Variants in ITIH5 observed in about 807,000 individuals in gnomAD.
ITIH5 encodes the protein inter-alpha-trypsin inhibitor heavy chain H5.
Under a neutral mutation model 77.5 loss-of-function variants are expected in ITIH5, and 65 were observed. The observed-to-expected ratio is 0.84, with a 90% CI of 0.69 to 1.03. The LOEUF (loss-of-function observed/expected upper bound fraction) is 1.03, where lower values mean the gene tolerates loss of function less well. Among genes scored for constraint, ITIH5 ranks in the 50% least tolerant of loss-of-function variants. The pLI is 0.00. For missense variants in ITIH5, 1,208 were observed against 1,213.1 expected (o/e 1.00, Z 0.06); for synonymous variants, 525 against 494.3 (o/e 1.06, Z -0.82).
intron 5 of ITIH5, among the ~76,000 whole-genome samples, chr10:7,623,696 A>G (rs1283210309): frequency 1.3e-5 from 2 of 149,468 alleles, no homozygotes. Context: ...CCAGCTACTC[A>G]GGAGGGTGAG....
intron 1 of ITIH5, among the ~76,000 whole-genome samples, chr10:7,665,314 C>T: frequency 6.6e-6 from 1 of 152,118 alleles, no homozygotes; most frequent in Admixed American, 6.5e-5. Flanking sequence ...TGTCTCCACA[C>T]CCCCAAAAAA....
intron 1 of ITIH5, 36 bp downstream of exon 1, chr10:7,666,767 C>G (rs374402461): frequency 6.4e-7 from 1 of 1,568,406 alleles, no homozygotes; most frequent in South Asian, 1.1e-5. Flanking sequence ...AGGGGGCGGC[C>G]GCGCCCGGGA....
At chr10:7,572,327 G>A in intron 11 of ITIH5, 2 of 1,367,554 alleles carry the variant, frequency 1.5e-6, no homozygotes, top group South Asian at 2.3e-5. Context: ...TTTTATTATA[G>A]TTCCAGGATG....
chr10:7,575,061 C>G (rs1832382062), intron 10 of ITIH5, among the ~76,000 whole-genome samples: 1 of 152,200 alleles, frequency 6.6e-6, no homozygotes, highest in Non-Finnish European at 1.5e-5. Flanking sequence ...TTTGCCAAGA[C>G]AAGCTCCACG....
At chr10:7,623,732 G>T (rs1411478720) in intron 5 of ITIH5, among the ~76,000 whole-genome samples, 1 of 151,224 alleles carries the variant, frequency 6.6e-6, no homozygotes, top group Admixed American at 6.6e-5. Context: ...GAACCCAGGA[G>T]GTGGAGCTCA....
chr10:7,624,618 G>C (rs1833528260), intron 5 of ITIH5, among the ~76,000 whole-genome samples: 1 of 150,772 alleles, frequency 6.6e-6, no homozygotes, highest in Non-Finnish European at 1.5e-5. Context: ...AGGAGTTCCA[G>C]ACCAGCCTAG....
At chr10:7,660,789 T>A (rs942088713) in intron 1 of ITIH5, among the ~76,000 whole-genome samples, 4 of 152,188 alleles carry the variant, frequency 2.6e-5, no homozygotes, top group Non-Finnish European at 5.9e-5. Flanking sequence ...ACACTCCACC[T>A]TTGGTATGGA....
At chr10:7,582,882 G>C (rs569306636) in intron 8 of ITIH5, among the ~76,000 whole-genome samples, 5 of 152,170 alleles carry the variant, frequency 3.3e-5, no homozygotes, top group African/African-American at 9.6e-5. Flanking sequence ...ATAGTTAATG[G>C]GTACAAAAAG....
At chr10:7,627,543 T>C (rs995861830) in intron 5 of ITIH5, among the ~76,000 whole-genome samples, 20 of 152,176 alleles carry the variant, frequency 1.3e-4, no homozygotes, top group Non-Finnish European at 2.9e-5. Flanking sequence ...GTGGTTCTCT[T>C]CTTTCCAATG....
intron 7 of ITIH5, among the ~76,000 whole-genome samples, chr10:7,595,735 G>A (rs532615448): frequency 6.6e-6 from 1 of 152,292 alleles, no homozygotes; most frequent in Admixed American, 6.5e-5. Flanking sequence ...CTGGCCGGGT[G>A]TGGTGGCTCA....
intron 7 of ITIH5, among the ~76,000 whole-genome samples, chr10:7,589,361 AGGC>A: frequency 6.6e-6 from 1 of 152,298 alleles, no homozygotes; most frequent in African/African-American, 2.4e-5. Context: ...TGGGAGGCTG[AGGC>A]AGGACAGTCA....
At position 7,559,764 on chromosome 10, in the gene ITIH5, C is replaced by G. The variant is rs758088192; in HGVS notation, c.*3319G>C. 1.3e-5 allele frequency: 6 copies of G among 453,674 alleles called. No individual in the cohort carries two copies. Among genetic ancestry groups the G allele is most frequent in the Non-Finnish European group, 2.7e-5 (6 of 226,016 alleles). The allele number at this position is 453,674 out of a possible 1,614,324, so 28.1% of individuals were successfully genotyped here. Reference sequence around the variant, plus strand: ...AGCAGACATGGTGTCTGGTGAGGGCCGTCTTCCTGGCTTGCAGGTGGCCAT... The same window carrying G: ...AGCAGACATGGTGTCTGGTGAGGGCGGTCTTCCTGGCTTGCAGGTGGCCAT... On this transcript the variant is annotated 3_prime_UTR_variant, in exon 14 of 14. Coordinates refer to ENST00000397146, the MANE Select transcript of ITIH5 (RefSeq NM_030569.7).
At chr10:7,583,419 G>A (rs559800289) in intron 8 of ITIH5, among the ~76,000 whole-genome samples, 66 of 152,192 alleles carry the variant, frequency 4.3e-4, no homozygotes, top group African/African-American at 7.5e-4. Context: ...TACAACCTCC[G>A]CCTCCCAGGT....
At chr10:7,624,679 A>G (rs58380331) in intron 5 of ITIH5, among the ~76,000 whole-genome samples, 28,952 of 140,360 alleles carry the variant, frequency 0.21, 4,343 homozygotes, top group African/African-American at 0.43. Context: ...TGAGCTACTA[A>G]GGAGGCTGAG....
chr10:7,655,781 C>T, intron 1 of ITIH5, 106 bp from the exon 2 acceptor site: 2 of 866,032 alleles, frequency 2.3e-6, no homozygotes, highest in Non-Finnish European at 3.7e-6. Context: ...GGGTTAAAAT[C>T]TATTCAGATT....
At chr10:7,647,713 GT>G (rs1834029332) in intron 2 of ITIH5, among the ~76,000 whole-genome samples, 3 of 152,056 alleles carry the variant, frequency 2.0e-5, no homozygotes, top group Admixed American at 2.0e-4. Flanking sequence ...TACACACTTT[GT>G]TATGTTTTGT....
At chr10:7,628,323 G>A (rs1269564359) in intron 5 of ITIH5, among the ~76,000 whole-genome samples, 1 of 152,158 alleles carries the variant, frequency 6.6e-6, no homozygotes, top group Non-Finnish European at 1.5e-5. Context: ...TCTGCTTTCT[G>A]TCTCTACGGA....
In ITIH5 at chr10:7,559,848, TTTTG is replaced by T. The variant is rs755998339; in HGVS notation, c.*3231_*3234del. 1.6e-3 allele frequency: 611 copies of T among 371,586 alleles called. No individual in the cohort carries two copies. The highest frequency in any genetic ancestry group is 2.7e-3 in the Non-Finnish European group (514 of 188,122). 23.0% of individuals were successfully genotyped at this position (371,586 alleles called of 1,614,324 possible). The stretch of plus-strand genomic sequence containing the variant: ...AAACACCATCTCTCCCATGTCTTTT[TTTTG>T]TTTTGTTTTGTTTTTTTTTGACGGA... On this transcript the variant is annotated 3_prime_UTR_variant, in exon 14 of 14. Coordinates refer to ENST00000397146, the MANE Select transcript of ITIH5 (RefSeq NM_030569.7).
intron 7 of ITIH5, among the ~76,000 whole-genome samples, chr10:7,602,601 TA>T (rs1312911687): frequency 6.6e-6 from 1 of 152,190 alleles, no homozygotes; most frequent in African/African-American, 2.4e-5. Flanking sequence ...TCTGCCATGA[TA>T]GTAAGTTTCC....
Sources: allele counts gnomAD v4.1 joint callset (sites outside exome capture counted in the v4.1 genomes callset), GRCh38; gene constraint gnomAD v4.1.1; transcripts MANE v1.5; gene names NCBI Gene and HGNC (gene_info 2026-07-23, HGNC 2026-07-21).